GRHL2: variants seen among roughly 807,000 people sequenced by gnomAD.
The protein encoded by GRHL2 is grainyhead like transcription factor 2, also known as grainyhead-like protein 2 homolog.
In GRHL2, 21 loss-of-function variants were observed where a neutral mutation model predicts 83.8. That is an observed-to-expected ratio of 0.25 (90% confidence interval 0.18 to 0.36). The LOEUF is 0.36. Ranked by LOEUF, GRHL2 falls within the 10% of genes least tolerant of loss-of-function variation. The pLI is 1.00. For missense variants in GRHL2, 623 were observed against 781.8 expected, an observed-to-expected ratio of 0.80 and a Z score of 2.42; for synonymous variants, 280 against 278.9, an observed-to-expected ratio of 1.00 and a Z score of -0.04.
At chr8:101,594,757 GA>G (rs1389969466) in intron 7 of GRHL2, among the ~76,000 whole-genome samples, 6 of 152,124 alleles carry the variant, frequency 3.9e-5, no homozygotes, top group Non-Finnish European at 7.4e-5. Flanking sequence ...AATGCCTAAG[GA>G]TCCATCCATT....
At chr8:101,679,449 T>C in the GRHL2 span, among the ~76,000 whole-genome samples, 2 of 150,066 alleles carry the variant, frequency 1.3e-5, no homozygotes, top group Admixed American at 6.6e-5. Flanking sequence ...CTACTTCTGA[T>C]TGGTGTACCT....
chr8:101,570,937 C>T (rs1811808420), intron 5 of GRHL2, among the ~76,000 whole-genome samples: 1 of 152,214 alleles, frequency 6.6e-6, no homozygotes, highest in African/African-American at 2.4e-5. Context: ...TACATTGGAT[C>T]TCCCTGCCAA....
chr8:101,672,200 TG>T (rs1477081286), downstream of GRHL2, among the ~76,000 whole-genome samples: 1 of 151,682 alleles, frequency 6.6e-6, no homozygotes, highest in Non-Finnish European at 1.5e-5. Flanking sequence ...CAAAGCTGGA[TG>T]GGGAATGACT....
intron 7 of GRHL2, among the ~76,000 whole-genome samples, chr8:101,587,076 G>A (rs551336728): frequency 9.2e-5 from 14 of 152,166 alleles, no homozygotes; most frequent in East Asian, 1.9e-4. Flanking sequence ...TGAAACAGAC[G>A]TGGAAAATTG....
At chr8:101,585,276 T>C (rs1320570883) in intron 7 of GRHL2, among the ~76,000 whole-genome samples, 1 of 152,262 alleles carries the variant, frequency 6.6e-6, no homozygotes, top group Non-Finnish European at 1.5e-5. Context: ...CTGGAAAATG[T>C]AGGTCTTCCC....
intron 14 of GRHL2, among the ~76,000 whole-genome samples, chr8:101,663,479 G>A (rs1813969372): frequency 6.6e-6 from 1 of 152,036 alleles, no homozygotes. Context: ...AGGTGTGGTG[G>A]CACTCACCTG....
At chr8:101,532,997 G>T (rs2130088619) in intron 1 of GRHL2, among the ~76,000 whole-genome samples, 1 of 152,254 alleles carries the variant, frequency 6.6e-6, no homozygotes, top group African/African-American at 2.4e-5. Context: ...GGGAATGATG[G>T]ACAACAGGTA....
chr8:101,652,476 GTGGTATGTGTGTA>G (rs1813673686), intron 14 of GRHL2, among the ~76,000 whole-genome samples: 1 of 78,816 alleles, frequency 1.3e-5, no homozygotes. Context: ...TGGTGTGTGT[GTGGTATGTGTGTA>G]TGTGTGTGGT....
intron 1 of GRHL2, among the ~76,000 whole-genome samples, chr8:101,515,080 C>A (rs1810543870): frequency 6.8e-6 from 1 of 146,852 alleles, no homozygotes; most frequent in South Asian, 2.1e-4. Context: ...CTACCTCCCT[C>A]CCTCCCTCCT....
intron 14 of GRHL2, among the ~76,000 whole-genome samples, chr8:101,656,583 CCATCAGG>C (rs1285534452): frequency 1.3e-5 from 2 of 152,196 alleles, no homozygotes; most frequent in African/African-American, 4.8e-5. Context: ...CAATACTAAG[CCATCAGG>C]CAAGAAGTAG....
intron 4 of GRHL2, among the ~76,000 whole-genome samples, chr8:101,568,212 A>C (rs1054961514): frequency 6.6e-6 from 1 of 152,248 alleles, no homozygotes; most frequent in Non-Finnish European, 1.5e-5. Context: ...ATCCACTTAA[A>C]TTTAAATAGC....
intron 9 of GRHL2, among the ~76,000 whole-genome samples, chr8:101,630,249 A>G (rs1398936177): frequency 6.6e-6 from 1 of 152,144 alleles, no homozygotes; most frequent in African/African-American, 2.4e-5. Context: ...TGCTGGCCAG[A>G]ATTGGGAATC....
At chr8:101,637,217 C>T (rs1255217809) in intron 12 of GRHL2, among the ~76,000 whole-genome samples, 2 of 152,210 alleles carry the variant, frequency 1.3e-5, no homozygotes, top group Non-Finnish European at 2.9e-5. Context: ...CCATTCCATC[C>T]TTTCATCAAT....
Position 101,666,735 on chromosome 8 carries a change from T to C in GRHL2, c.*32T>C. 1 of 1,289,952 alleles carries C rather than the reference T, an allele frequency of 7.8e-7. No individual in the cohort carries two copies. The highest frequency in any genetic ancestry group is 1.1e-6 in the Non-Finnish European group (1 of 884,780). 79.9% of individuals were successfully genotyped at this position (1,289,952 alleles called of 1,614,324 possible). A position where few individuals can be genotyped will look rare whatever the true frequency, so the allele number is the denominator to read the frequency against. On this transcript the variant is annotated 3_prime_UTR_variant, in exon 16 of 16. Coordinates refer to ENST00000646743, the MANE Select transcript of GRHL2 (RefSeq NM_024915.4). ...GTTTGGCATCCGCTTTGGCTGGAGC[T>C]CTCAGTGCGTTCCTCCCTGAGAGAG... is the stretch of plus-strand genomic sequence containing the variant.
chr8:101,653,154 C>T (rs1813707965), intron 14 of GRHL2, among the ~76,000 whole-genome samples: 1 of 152,104 alleles, frequency 6.6e-6, no homozygotes, highest in African/African-American at 2.4e-5. Context: ...TCCAAAGCCC[C>T]ACATTAAACA....
chr8:101,628,398 G>T (rs1407102121), intron 9 of GRHL2, among the ~76,000 whole-genome samples: 1 of 151,958 alleles, frequency 6.6e-6, no homozygotes, highest in Non-Finnish European at 1.5e-5. Context: ...TAAGCCCACT[G>T]TTGAGACCCA....
intron 8 of GRHL2, among the ~76,000 whole-genome samples, chr8:101,600,276 G>A (rs960427072): frequency 4.3e-4 from 66 of 152,230 alleles, no homozygotes; most frequent in African/African-American, 1.6e-3. Flanking sequence ...AAGGAAGCAG[G>A]CCTTGCCATG....
intron 1 of GRHL2, among the ~76,000 whole-genome samples, chr8:101,536,972 C>T (rs112380750): frequency 0.026 from 3,871 of 151,422 alleles, 165 homozygotes; most frequent in African/African-American, 0.087. Context: ...TTGTTTGTCT[C>T]TTTGAGTCCA....
intron 1 of GRHL2, among the ~76,000 whole-genome samples, chr8:101,526,565 T>A (rs2130066132): frequency 6.7e-6 from 1 of 148,406 alleles, no homozygotes; most frequent in Non-Finnish European, 1.5e-5. Context: ...GCTCAAATTT[T>A]ACCATTGGCA....
Sources: gnomAD v4.1 joint callset for allele counts (sites outside exome capture counted in the v4.1 genomes callset) on GRCh38, gnomAD v4.1.1 for gene constraint, MANE v1.5 for transcripts, NCBI Gene and HGNC (gene_info 2026-07-23, HGNC 2026-07-21) for gene names.